The following CHRNB2 variants were observed in gnomAD, a reference collection of about 807,000 sequenced individuals.
CHRNB2 encodes neuronal acetylcholine receptor subunit beta-2.
Under a neutral mutation model 42.7 loss-of-function variants are expected in CHRNB2, and 33 were observed. The observed-to-expected ratio is 0.77, with a 90% CI of 0.59 to 1.03. The LOEUF (loss-of-function observed/expected upper bound fraction) is 1.03, where lower values mean the gene tolerates loss of function less well. Among genes scored for constraint, CHRNB2 ranks in the 50% least tolerant of loss-of-function variants. The pLI is 0.00. For synonymous variants in CHRNB2, 325 were observed against 292.9 expected (o/e 1.11, Z -1.12); for missense variants, 603 against 700.9 (o/e 0.86, Z 1.58).
chr1:154,572,312 G>A, intron 5 of CHRNB2, 151 bp downstream of exon 5: 2 of 1,449,856 alleles, frequency 1.4e-6, no homozygotes, highest in Non-Finnish European at 1.8e-6. Flanking sequence ...GGGCCTGGGT[G>A]CTGGCTAGGG....
At chr1:154,575,599 C>G (rs994689479) in intron 5 of CHRNB2, among the ~76,000 whole-genome samples, 163 bp from the exon 6 acceptor site, 1 of 152,090 alleles carries the variant, frequency 6.6e-6, no homozygotes, top group Non-Finnish European at 1.5e-5. Flanking sequence ...AGTGGGGCCA[C>G]TGGAGGCTTT....
rs915747828 is a variant in CHRNB2, at chr1:154,579,227, G to A, written c.*3295G>A. ...CTCTTTGGATGGTTTGGGGACCTGGGGCTGTTTGTATCCCAGTATTAGCTC... is the reference window on the plus strand; with the variant it reads ...CTCTTTGGATGGTTTGGGGACCTGGAGCTGTTTGTATCCCAGTATTAGCTC... On this transcript the variant is annotated 3_prime_UTR_variant, in exon 6 of 6. Coordinates refer to ENST00000368476, the MANE Select transcript of CHRNB2 (RefSeq NM_000748.3). The A allele has an allele frequency of 1.3e-5, 2 of 152,186 alleles. No homozygotes were observed. The highest frequency in any genetic ancestry group is 4.8e-5 in the African/African-American group (2 of 41,436). 9.4% of individuals were successfully genotyped at this position (152,186 alleles called of 1,614,324 possible).
At chr1:154,572,353 C>T (rs1227110611) in intron 5 of CHRNB2, among the ~76,000 whole-genome samples, 192 bp downstream of exon 5, 3 of 152,170 alleles carry the variant, frequency 2.0e-5, no homozygotes, top group African/African-American at 4.8e-5. Context: ...GGAGATTGTG[C>T]GGCCTAAATT....
At chr1:154,570,200 T>TA (rs1696135991) in intron 3 of CHRNB2, 58 bp from the exon 4 acceptor site, 1 of 1,214,942 alleles carries the variant, frequency 8.2e-7, no homozygotes, top group Non-Finnish European at 1.2e-6. Context: ...TTCGTTTCCT[T>TA]AACCTTGAGC....
At position 154,579,234 on chromosome 1, in the gene CHRNB2, T is replaced by G. The variant is rs999200357; in HGVS notation, c.*3302T>G. The G allele has an allele frequency of 2.0e-5, 3 of 152,224 alleles. No individual in the cohort carries two copies. The highest frequency in any genetic ancestry group is 4.8e-5 in the African/African-American group (2 of 41,532). 9.4% of individuals were successfully genotyped at this position (152,224 alleles called of 1,614,324 possible). A position where few individuals can be genotyped will look rare whatever the true frequency, so the allele number is the denominator to read the frequency against. ...GATGGTTTGGGGACCTGGGGCTGTTTGTATCCCAGTATTAGCTCCTGTTAC... is the reference window on the plus strand; with the variant it reads ...GATGGTTTGGGGACCTGGGGCTGTTGGTATCCCAGTATTAGCTCCTGTTAC... On this transcript the variant is annotated 3_prime_UTR_variant, in exon 6 of 6. Coordinates refer to ENST00000368476, the MANE Select transcript of CHRNB2 (RefSeq NM_000748.3).
In CHRNB2 at chr1:154,571,450, G is replaced by A. The variant is rs752968150; in HGVS notation, c.627G>A (p.Pro209=). The A allele has an allele frequency of 6.8e-6, 11 of 1,613,994 alleles. No individual in the cohort carries two copies. Among genetic ancestry groups the A allele is most frequent in the East Asian group, 2.2e-5 (1 of 44,886 alleles). Residue 209 remains proline, a synonymous_variant, in exon 5 of 6, where the codon CCG becomes CCA. Transcript: ENST00000368476. This position sits in a 1 kb window ranked among gnomAD's most constrained non-coding sequence, Gnocchi z 6.8. Reference sequence around the variant, plus strand: ...GTGAGTGGGACATCGTGGCGCTGCCGGGCCGGCGCAACGAGAACCCCGACG... The same window carrying A: ...GTGAGTGGGACATCGTGGCGCTGCCAGGCCGGCGCAACGAGAACCCCGACG... The part of the protein sequence containing the change: ...PSGEWDIVAL[P]GRRNENPDDS...
chr1:154,574,152 C>A (rs551670662), intron 5 of CHRNB2, among the ~76,000 whole-genome samples: 3 of 152,202 alleles, frequency 2.0e-5, no homozygotes, highest in African/African-American at 7.2e-5. Context: ...AAAAAAAAAT[C>A]ATTACAATTA....
In CHRNB2 at chr1:154,572,144, G is replaced by A; in HGVS notation, c.1321G>A (p.Glu441Lys). The A allele has an allele frequency of 6.5e-7, 1 of 1,537,768 alleles. No individual in the cohort carries two copies. The highest frequency in any genetic ancestry group is 2.4e-5 in the East Asian group (1 of 40,882). Residue 441 changes from glutamate (E) to lysine (K), a missense_variant, in exon 5 of 6, where the codon GAG (glutamate) becomes AAG (lysine). This residue lies in a region of CHRNB2 where 270 missense variants were observed against 248.3 expected (regional missense o/e 1.09). Transcript: ENST00000368476. ...VRFIADHMRS[E>K]DDDQSVSEDW... ...CTTCATCGCAGACCACATGCGGAGCGAGGACGATGACCAGAGCGTGAGTGC... is the reference window on the plus strand; with the variant it reads ...CTTCATCGCAGACCACATGCGGAGCAAGGACGATGACCAGAGCGTGAGTGC...
rs1233862131 is a variant in CHRNB2, at chr1:154,578,575, T to A, written c.*2643T>A. On this transcript the variant is annotated 3_prime_UTR_variant, in exon 6 of 6. Coordinates refer to ENST00000368476, the MANE Select transcript of CHRNB2 (RefSeq NM_000748.3). ...TCTGTACGCAGCCCTTTGGGAACCA[T>A]CACAATAAGGAAGAGGTGAGGGCAG... is the stretch of plus-strand genomic sequence containing the variant. 3 of 152,314 alleles carry A rather than the reference T, an allele frequency of 2.0e-5. No homozygotes were observed. The highest frequency in any genetic ancestry group is 7.2e-5 in the African/African-American group (3 of 41,462). 9.4% of individuals were successfully genotyped at this position (152,314 alleles called of 1,614,324 possible).
At chr1:154,574,825 G>A (rs182374131) in intron 5 of CHRNB2, among the ~76,000 whole-genome samples, 1 of 152,312 alleles carries the variant, frequency 6.6e-6, no homozygotes, top group East Asian at 1.9e-4. Context: ...AAGCGAGTGA[G>A]TTCTTCAGCT....
In CHRNB2 at chr1:154,578,795, C is replaced by G. The variant is rs200739937; in HGVS notation, c.*2863C>G. On this transcript the variant is annotated 3_prime_UTR_variant, in exon 6 of 6. Transcript: ENST00000368476. ...GCTATCTCTGCAGAGAATCGGGTGC[C>G]CAGCTTAATGCTGGGCAAGGACTGG... The G allele has an allele frequency of 6.6e-6, 1 of 152,222 alleles. No individual in the cohort carries two copies. Among genetic ancestry groups the G allele is most frequent in the Non-Finnish European group, 1.5e-5 (1 of 68,044 alleles). The allele number at this position is 152,222 out of a possible 1,614,324, so 9.4% of individuals were successfully genotyped here. A position where few individuals can be genotyped will look rare whatever the true frequency, so the allele number is the denominator to read the frequency against.
intron 4 of CHRNB2, among the ~76,000 whole-genome samples, chr1:154,570,617 A>G (rs566989017): frequency 2.9e-4 from 44 of 152,234 alleles, no homozygotes; most frequent in African/African-American, 1.0e-3. Flanking sequence ...TGGTGGGGAT[A>G]CAAACAAGTA....
At chr1:154,569,322 A>G (rs1480703689) in intron 1 of CHRNB2, 140 bp from the exon 2 acceptor site, 5 of 1,009,720 alleles carry the variant, frequency 5.0e-6, no homozygotes, top group Non-Finnish European at 7.6e-6. Flanking sequence ...CCCTGGGGTT[A>G]ATCTAAGCAT....
intron 4 of CHRNB2, 129 bp downstream of exon 4, chr1:154,570,496 C>T (rs1696142660): frequency 1.5e-6 from 1 of 688,186 alleles, no homozygotes; most frequent in Admixed American, 2.1e-5. Flanking sequence ...TAGTCACTAC[C>T]TAGACAGACA....
rs750562580 is a variant in CHRNB2 at position 154,577,023 on chromosome 1, G to A, written c.*1091G>A. On this transcript the variant is annotated 3_prime_UTR_variant, in exon 6 of 6. Transcript: ENST00000368476. Reference sequence around the variant, plus strand: ...CACAGCAGAGCTGAGGTGAACAGCTGGAACCCTGCTACATCCGTGCTGCTC... The same window carrying A: ...CACAGCAGAGCTGAGGTGAACAGCTAGAACCCTGCTACATCCGTGCTGCTC... 2 of 152,258 alleles carry A rather than the reference G, an allele frequency of 1.3e-5. No homozygotes were observed. Among genetic ancestry groups the A allele is most frequent in the African/African-American group, 4.8e-5 (2 of 41,438 alleles). The allele number at this position is 152,258 out of a possible 1,614,324, so 9.4% of individuals were successfully genotyped here. A position where few individuals can be genotyped will look rare whatever the true frequency, so the allele number is the denominator to read the frequency against.
At position 154,579,828 on chromosome 1, in the gene CHRNB2, G is replaced by C. The variant is rs200269196; in HGVS notation, c.*3896G>C. 61 of 152,398 alleles carry C rather than the reference G, an allele frequency of 4.0e-4. No homozygotes were observed. The highest frequency in any genetic ancestry group is 1.5e-3 in the African/African-American group (61 of 41,578). The allele number at this position is 152,398 out of a possible 1,614,324, so 9.4% of individuals were successfully genotyped here. ...ATTTGCACTGGTCTAGCCTACTCCA[G>C]GTCAGACTCATTAGGAACTCAAGAT... On this transcript the variant is annotated 3_prime_UTR_variant, in exon 6 of 6. Transcript: ENST00000368476.
At position 154,579,746 on chromosome 1, in the gene CHRNB2, C is replaced by T. The variant is rs911448904; in HGVS notation, c.*3814C>T. On this transcript the variant is annotated 3_prime_UTR_variant, in exon 6 of 6. Transcript: ENST00000368476. ...ATTAGGACACTCACTCAGCCACCCT[C>T]GATGCCCCCATCTTCCCCACACTGC... is the stretch of plus-strand genomic sequence containing the variant. The T allele has an allele frequency of 6.6e-6, 1 of 152,524 alleles. No individual in the cohort carries two copies. The highest frequency in any genetic ancestry group is 2.4e-5 in the African/African-American group (1 of 41,460). 9.4% of individuals were successfully genotyped at this position (152,524 alleles called of 1,614,324 possible). A position where few individuals can be genotyped will look rare whatever the true frequency, so the allele number is the denominator to read the frequency against.
chr1:154,572,762 C>T (rs903320938), intron 5 of CHRNB2, among the ~76,000 whole-genome samples: 4 of 152,174 alleles, frequency 2.6e-5, no homozygotes, highest in Middle Eastern at 3.4e-3. Context: ...AGGGGATGGC[C>T]TCCTGAAATA....
chr1:154,571,792 C>T lies in CHRNB2; in HGVS notation c.969C>T (p.His323=). ...VTSVCVLNVH[H]RSPTTHTMAP... ...GCGTGTGCGTGCTCAACGTGCACCA[C>T]CGCTCGCCCACCACGCACACCATGG... Residue 323 remains histidine, a synonymous_variant, in exon 5 of 6, where the codon CAC becomes CAT. Coordinates refer to ENST00000368476, the MANE Select transcript of CHRNB2 (RefSeq NM_000748.3). This position sits in a 1 kb window ranked among gnomAD's most constrained non-coding sequence, Gnocchi z 6.8. The T allele has an allele frequency of 1.2e-6, 2 of 1,614,142 alleles. No individual in the cohort carries two copies. The highest frequency in any genetic ancestry group is 1.1e-5 in the South Asian group (1 of 91,084).
Sources: allele counts gnomAD v4.1 joint callset (sites outside exome capture counted in the v4.1 genomes callset), GRCh38; gene constraint gnomAD v4.1.1; regional missense constraint gnomAD v4.1.1; non-coding constraint Gnocchi (gnomAD v3.1); transcripts MANE v1.5; gene names NCBI Gene and HGNC (gene_info 2026-07-23, HGNC 2026-07-21).